STPG2: variants seen among roughly 807,000 people sequenced by gnomAD.
STPG2 encodes sperm tail PG-rich repeat containing 2, also known as sperm-tail PG-rich repeat-containing protein 2.
STPG2 carries 56 observed loss-of-function variants against 54.2 expected under a neutral mutation model. The observed-to-expected ratio is 1.03, with a 90% CI of 0.83 to 1.29. STPG2 has a LOEUF of 1.29. STPG2 is among the 50% of genes most tolerant of loss of function. The pLI, the probability that STPG2 is intolerant of heterozygous loss-of-function variation, is 0.00. For missense variants in STPG2, 596 were observed against 544.9 expected, an observed-to-expected ratio of 1.09 and a Z score of -0.93; for synonymous variants, 200 against 181.8, an observed-to-expected ratio of 1.10 and a Z score of -0.81.
intron 4 of STPG2, among the ~76,000 whole-genome samples, chr4:97,484,583 A>C (rs1271065630): frequency 6.6e-6 from 1 of 151,738 alleles, no homozygotes; most frequent in Non-Finnish European, 1.5e-5. Context: ...AATTACCAAC[A>C]AAAAAAGTCC....
Position 98,109,290 on chromosome 4 carries a change from T to C in STPG2, c.403A>G (p.Thr135Ala), listed in dbSNP as rs908376398. ...AAATGTATACCTTTGTATTTCAAAG[T>C]TGCATTGGAAACATCCTAAAAAATA... is the stretch of plus-strand genomic sequence containing the variant. ...YKPQFDVSNATLKYKGIHFGN... is the reference protein window; with the variant it reads ...YKPQFDVSNAALKYKGIHFGN... The change falls in exon 4 of 11, where the codon ACT becomes GCT. Residue 135 changes from threonine (T) to alanine (A), a missense_variant. Thr to Ala is a moderately conservative substitution (Grantham distance 58, BLOSUM62 0). Transcript: ENST00000295268. The C allele has an allele frequency of 6.2e-7, 1 of 1,602,594 alleles. No individual in the cohort carries two copies.
At chr4:98,093,970 A>G (rs1019982229) in intron 5 of STPG2, among the ~76,000 whole-genome samples, 13 of 152,164 alleles carry the variant, frequency 8.5e-5, no homozygotes, top group African/African-American at 2.7e-4. Context: ...AACTTGAAAG[A>G]CAGTCTAGGA....
At chr4:97,611,019 T>C (rs948532180) in intron 10 of STPG2, among the ~76,000 whole-genome samples, 3 of 152,058 alleles carry the variant, frequency 2.0e-5, no homozygotes, top group African/African-American at 7.2e-5. Context: ...TGAATTAAAA[T>C]ATTTTCTGGG....
At chr4:97,510,317 T>A (rs111300743) in intron 4 of STPG2, among the ~76,000 whole-genome samples, 2,362 of 152,216 alleles carry the variant, frequency 0.016, 58 homozygotes, top group African/African-American at 0.054. Flanking sequence ...AGCAAATCAT[T>A]ACAACAAACC....
intron 5 of STPG2, among the ~76,000 whole-genome samples, chr4:97,983,708 A>T (rs142095993): frequency 6.6e-6 from 1 of 152,314 alleles, no homozygotes; most frequent in East Asian, 1.9e-4. Flanking sequence ...ATAGAATTAG[A>T]GACCAAGATC....
chr4:97,724,488 T>C (rs1165684911), intron 9 of STPG2, among the ~76,000 whole-genome samples: 1 of 152,178 alleles, frequency 6.6e-6, no homozygotes, highest in Non-Finnish European at 1.5e-5. Flanking sequence ...CGGTGAGTTG[T>C]ACATTATTTC....
Position 97,892,580 on chromosome 4 carries a change from A to T in STPG2, c.1044+51317T>A, listed in dbSNP as rs1243283447. Among the ~76,000 whole-genome samples the T allele has an allele frequency of 2.0e-5, 3 of 152,188 alleles. No homozygotes were observed. In the South Asian group the frequency reaches 6.2e-4, roughly 31 times the overall value. Reference sequence around the variant, plus strand: ...GCTAGGGACTTCTCCTAGGTCCCACATGCACAGCTAAGCTTAAGGTTTAGC... The same window carrying T: ...GCTAGGGACTTCTCCTAGGTCCCACTTGCACAGCTAAGCTTAAGGTTTAGC... On this transcript the variant is annotated intron_variant, in intron 8 of 10. Coordinates refer to ENST00000295268, the MANE Select transcript of STPG2 (RefSeq NM_174952.3).
intron 8 of STPG2, among the ~76,000 whole-genome samples, chr4:97,881,295 T>C (rs1730366216): frequency 6.6e-6 from 1 of 152,140 alleles, no homozygotes; most frequent in African/African-American, 2.4e-5. Flanking sequence ...CATAAGTCAC[T>C]TAACCTTTTC....
At chr4:97,900,086 A>T (rs1415923433) in intron 8 of STPG2, among the ~76,000 whole-genome samples, 1 of 152,172 alleles carries the variant, frequency 6.6e-6, no homozygotes, top group Non-Finnish European at 1.5e-5. Flanking sequence ...ACAGAAAAAC[A>T]ACCCCATTAA....
At chr4:97,452,299 G>A (rs185718817) in intron 4 of STPG2, among the ~76,000 whole-genome samples, 3 of 152,176 alleles carry the variant, frequency 2.0e-5, no homozygotes, top group Non-Finnish European at 4.4e-5. Context: ...TCCAATTTTG[G>A]AGCAAAGTCA....
intron 8 of STPG2, among the ~76,000 whole-genome samples, chr4:97,876,136 G>A (rs1033802573): frequency 5.3e-5 from 8 of 152,046 alleles, no homozygotes; most frequent in Non-Finnish European, 8.8e-5. Context: ...TAAAAAGTCT[G>A]TCTTCCAATT....
Position 97,952,828 on chromosome 4 carries a change from A to G in STPG2, c.934-8821T>C, listed in dbSNP as rs977819343. Among the ~76,000 whole-genome samples the G allele has an allele frequency of 3.3e-5, 5 of 152,148 alleles. No individual in the cohort carries two copies. In the South Asian group the frequency reaches 6.2e-4, roughly 19 times the overall value. ...CAGGTTGGTAGCCAGAATGATACAG[A>G]CAATAGTGATAGCAGAGGTCATGCA... On this transcript the variant is annotated intron_variant, in intron 7 of 10. Coordinates refer to ENST00000295268, the MANE Select transcript of STPG2 (RefSeq NM_174952.3).
intron 9 of STPG2, among the ~76,000 whole-genome samples, chr4:97,815,592 T>G (rs1727883521): frequency 6.6e-6 from 1 of 152,156 alleles, no homozygotes; most frequent in Non-Finnish European, 1.5e-5. Flanking sequence ...ATTATGGTAT[T>G]TAAGTATTGT....
intron 8 of STPG2, among the ~76,000 whole-genome samples, chr4:97,912,965 T>A (rs1731737839): frequency 6.6e-6 from 1 of 152,220 alleles, no homozygotes; most frequent in Admixed American, 6.5e-5. Flanking sequence ...ACCTTTATGA[T>A]AAAGCTTAGA....
At chr4:97,574,382 C>A (rs913671803) in intron 10 of STPG2, among the ~76,000 whole-genome samples, 1 of 151,694 alleles carries the variant, frequency 6.6e-6, no homozygotes, top group Non-Finnish European at 1.5e-5. Flanking sequence ...GACACAGGAA[C>A]CTTCAGAAAT....
chr4:97,561,063 A>G (rs1163023478), intron 10 of STPG2, among the ~76,000 whole-genome samples: 1 of 152,100 alleles, frequency 6.6e-6, no homozygotes, highest in Non-Finnish European at 1.5e-5. Flanking sequence ...TTACAGTCCC[A>G]CCAACAGTGT....
At chr4:97,568,879 CTTTCT>C (rs1254624211) in intron 10 of STPG2, among the ~76,000 whole-genome samples, 2 of 148,694 alleles carry the variant, frequency 1.3e-5, no homozygotes, top group African/African-American at 5.0e-5. Context: ...CTTTTCTTTT[CTTTCT>C]TTTGTTTTTT....
intron 2 of STPG2, among the ~76,000 whole-genome samples, chr4:98,131,613 A>C (rs965870757): frequency 2.6e-5 from 4 of 152,180 alleles, no homozygotes; most frequent in Non-Finnish European, 4.4e-5. Flanking sequence ...TTATGACAAG[A>C]GAAGGAACCA....
chr4:97,812,578 T>C lies in STPG2; in HGVS notation c.1204+28195A>G, dbSNP rs143333768. 5.7e-3 allele frequency among the ~76,000 whole-genome samples: 865 copies of C among 152,284 alleles called. 9 individuals are homozygous for C. The highest frequency in any genetic ancestry group is 0.02 in the African/African-American group (817 of 41,578). Reference sequence around the variant, plus strand: ...ATCACTAAAATGTTAATTGATTTGATTTTGAAAGTAAAAAAGAGTTTTAAA... The same window carrying C: ...ATCACTAAAATGTTAATTGATTTGACTTTGAAAGTAAAAAAGAGTTTTAAA... On this transcript the variant is annotated intron_variant, in intron 9 of 10. Coordinates refer to ENST00000295268, the MANE Select transcript of STPG2 (RefSeq NM_174952.3).
Sources: gnomAD v4.1 joint callset for allele counts (sites outside exome capture counted in the v4.1 genomes callset) on GRCh38, gnomAD v4.1.1 for gene constraint, MANE v1.5 for transcripts, NCBI Gene and HGNC (gene_info 2026-07-23, HGNC 2026-07-21) for gene names.